The following GLIPR1 variants were observed in gnomAD, a reference collection of about 807,000 sequenced individuals.
GLIPR1 encodes glioma pathogenesis-related protein 1.
GLIPR1 carries 38 observed loss-of-function variants against 30.3 expected under a neutral mutation model. The observed-to-expected ratio is 1.26, with a 90% CI of 0.97 to 1.65. The LOEUF (loss-of-function observed/expected upper bound fraction) is 1.65. Ranked by LOEUF, GLIPR1 falls within the 40% of genes most tolerant of loss-of-function variation. GLIPR1 has a pLI of 0.00. For missense variants in GLIPR1, 285 were observed against 326.5 expected (o/e 0.87, Z 0.98); for synonymous variants, 122 against 110.6 (o/e 1.10, Z -0.65).
chr12:75,491,741 T>C (rs2046324872), intron 3 of GLIPR1: 1 of 152,192 alleles, frequency 6.6e-6, no homozygotes, highest in Non-Finnish European at 1.5e-5. Context: ...TATATTCCTT[T>C]TTCTGTGAAT....
At position 75,503,164 on chromosome 12, in the gene GLIPR1, G is replaced by C. The variant is rs1159605460; in HGVS notation, c.*4186G>C. ...GATGCAGGTGGAAGAAAACCCATACGTGAGAGAAGAGGAAACAGAAAGGGG... is the reference window on the plus strand; with the variant it reads ...GATGCAGGTGGAAGAAAACCCATACCTGAGAGAAGAGGAAACAGAAAGGGG... On this transcript the variant is annotated 3_prime_UTR_variant, in exon 6 of 6. Transcript: ENST00000266659. 1.3e-5 allele frequency: 2 copies of C among 152,128 alleles called. No individual in the cohort carries two copies. The highest frequency in any genetic ancestry group is 6.6e-5 in the Admixed American group (1 of 15,236). 9.4% of individuals were successfully genotyped at this position (152,128 alleles called of 1,614,324 possible).
intron 4 of GLIPR1, chr12:75,497,487 C>T (rs1566100773): frequency 6.6e-6 from 1 of 152,164 alleles, no homozygotes; most frequent in Non-Finnish European, 1.5e-5. Context: ...TTCCTATTCT[C>T]AGAGCTAGAT....
intron 3 of GLIPR1, 65 bp downstream of exon 3, chr12:75,490,583 CAA>C (rs55774067): frequency 0.027 from 2,802 of 102,386 alleles, 517 homozygotes; most frequent in African/African-American, 0.19. Flanking sequence ...AAAACAACAA[CAA>C]AAAAAAACAT....
intron 4 of GLIPR1, chr12:75,496,822 T>G (rs1437037369): frequency 1.3e-5 from 2 of 152,206 alleles, no homozygotes; most frequent in Non-Finnish European, 1.5e-5. Flanking sequence ...TTAAACTGCT[T>G]GCTCTCCTCC....
chr12:75,495,604 G>A lies in GLIPR1; in HGVS notation c.561G>A (p.Lys187=), dbSNP rs1330123607. 1.3e-5 allele frequency: 21 copies of A among 1,610,408 alleles called. No homozygotes were observed. Among genetic ancestry groups the A allele is most frequent in the Non-Finnish European group, 1.8e-5 (21 of 1,176,852 alleles). Residue 187 remains lysine (K), a synonymous_variant, in exon 4 of 6, where the codon AAG becomes AAA. Coordinates refer to ENST00000266659, the MANE Select transcript of GLIPR1 (RefSeq NM_006851.3). ...PGGNYPTWPY[K]RGATCSACPN... is the part of the protein sequence containing the mutation. ...GGAATTACCCAACTTGGCCATATAAGAGAGGAGCCACCTGCAGTGCCTGCC... is the reference window on the plus strand; with the variant it reads ...GGAATTACCCAACTTGGCCATATAAAAGAGGAGCCACCTGCAGTGCCTGCC...
intron 3 of GLIPR1, 107 bp downstream of exon 3, chr12:75,490,625 AT>A: frequency 3.4e-6 from 2 of 585,186 alleles, no homozygotes; most frequent in Non-Finnish European, 6.1e-6. Context: ...ATTATAGAAA[AT>A]CTGGATAAAG....
intron 5 of GLIPR1, 35 bp downstream of exon 5, chr12:75,498,755 G>C: frequency 6.2e-7 from 1 of 1,607,656 alleles, no homozygotes; most frequent in Middle Eastern, 1.7e-4. Flanking sequence ...TTCATTAAGA[G>C]CTATGTGAAT....
Position 75,499,167 on chromosome 12 carries a change from G to A in GLIPR1, c.*189G>A, listed in dbSNP as rs2046372677. ...ATAAACTCATCTTTAGTATAAATAAGCATTATTTGCAGGTTGCCACAGGTG... is the reference window on the plus strand; with the variant it reads ...ATAAACTCATCTTTAGTATAAATAAACATTATTTGCAGGTTGCCACAGGTG... On this transcript the variant is annotated 3_prime_UTR_variant, in exon 6 of 6. Coordinates refer to ENST00000266659, the MANE Select transcript of GLIPR1 (RefSeq NM_006851.3). 2.4e-6 allele frequency: 1 copy of A among 419,882 alleles called. No individual in the cohort carries two copies. Among genetic ancestry groups the A allele is most frequent in the African/African-American group, 2.1e-5 (1 of 48,318 alleles). The allele number at this position is 419,882 out of a possible 1,614,324, so 26.0% of individuals were successfully genotyped here.
intron 2 of GLIPR1, among the ~76,000 whole-genome samples, chr12:75,488,486 G>A (rs990559942): frequency 6.6e-6 from 1 of 152,094 alleles, no homozygotes; most frequent in Non-Finnish European, 1.5e-5. Flanking sequence ...GCAATAAGCC[G>A]AGATTGCACC....
At chr12:75,491,681 C>T (rs952379404) in intron 3 of GLIPR1, 1 of 152,036 alleles carries the variant, frequency 6.6e-6, no homozygotes, top group Non-Finnish European at 1.5e-5. Context: ...CTTTCTTTTG[C>T]ATCTCTGTGA....
chr12:75,481,490 C>A, intron 1 of GLIPR1: 1 of 261,304 alleles, frequency 3.8e-6, no homozygotes, highest in Admixed American at 5.0e-5. Context: ...GATTGAATTT[C>A]AGATCTGTGG....
intron 3 of GLIPR1, chr12:75,492,031 G>C (rs961050013): frequency 1.3e-5 from 2 of 149,250 alleles, no homozygotes; most frequent in African/African-American, 4.9e-5. Context: ...GGAAAATAAA[G>C]AAAACCCAGA....
rs1329955709 is a variant in GLIPR1 at position 75,501,838 on chromosome 12, A to G, written c.*2860A>G. 7 of 1,573,944 alleles carry G rather than the reference A, an allele frequency of 4.4e-6. No individual in the cohort carries two copies. The highest frequency in any genetic ancestry group is 6.1e-6 in the Non-Finnish European group (7 of 1,153,148). On this transcript the variant is annotated 3_prime_UTR_variant, in exon 6 of 6. Coordinates refer to ENST00000266659, the MANE Select transcript of GLIPR1 (RefSeq NM_006851.3). ...TAGCCTACATTAATAAATAAAAAAT[A>G]TATCAGTTAAATGTATTTATAGTTA...
chr12:75,495,150 G>A (rs992636195), intron 3 of GLIPR1: 1 of 152,586 alleles, frequency 6.6e-6, no homozygotes, highest in Admixed American at 6.5e-5. Flanking sequence ...GGTCACCATA[G>A]CTTTTCTAAG....
intron 3 of GLIPR1, chr12:75,494,246 G>A (rs1178082233): frequency 1.3e-5 from 2 of 152,172 alleles, no homozygotes; most frequent in East Asian, 1.9e-4. Flanking sequence ...GTGCTGGGGA[G>A]AGGAGGACCA....
intron 4 of GLIPR1, chr12:75,496,233 T>TA (rs2046351002): frequency 6.6e-6 from 1 of 152,104 alleles, no homozygotes; most frequent in Admixed American, 6.6e-5. Context: ...TGGACGCCCG[T>TA]AACCCCAGCT....
rs1490082255 is a variant in GLIPR1, at chr12:75,501,917, C to T, written c.*2939C>T. 1.2e-6 allele frequency: 2 copies of T among 1,607,116 alleles called. No homozygotes were observed. The highest frequency in any genetic ancestry group is 1.7e-6 in the Non-Finnish European group (2 of 1,177,798). On this transcript the variant is annotated 3_prime_UTR_variant, in exon 6 of 6. Transcript: ENST00000266659. The stretch of plus-strand genomic sequence containing the variant: ...ATTCATGTGAGCCAGACATAAAGTG[C>T]CGTACCTTTATTGCTTCCATTTTCT...
At chr12:75,489,272 C>T (rs974070294) in intron 2 of GLIPR1, among the ~76,000 whole-genome samples, 1 of 152,162 alleles carries the variant, frequency 6.6e-6, no homozygotes. Flanking sequence ...CATGTAACAG[C>T]GCAGGTCTCT....
rs1566101720 is a variant in GLIPR1, at chr12:75,498,995, A to AAAAACC, written c.*18_*23dup. ...TTGGACTAATACAATTCAGGAAAGA[A>AAAAACC]AAAACCCAAAAACCAACCTCATTCA... On this transcript the variant is annotated 3_prime_UTR_variant, in exon 6 of 6. Transcript: ENST00000266659. 2.0e-6 allele frequency: 3 copies of AAAAACC among 1,515,116 alleles called. No homozygotes were observed. The South Asian group carries it at 3.9e-5, about 20-fold the overall frequency. The allele number at this position is 1,515,116 out of a possible 1,614,324, so 93.9% of individuals were successfully genotyped here.
Sources: gnomAD v4.1 joint callset for allele counts (sites outside exome capture counted in the v4.1 genomes callset) on GRCh38, gnomAD v4.1.1 for gene constraint, MANE v1.5 for transcripts, NCBI Gene and HGNC (gene_info 2026-07-23, HGNC 2026-07-21) for gene names.